The following MFSD8 variants were observed in gnomAD, a reference collection of about 807,000 sequenced individuals.
The protein encoded by MFSD8 is major facilitator superfamily domain-containing protein 8.
MFSD8 carries 55 observed loss-of-function variants against 66.4 expected under a neutral mutation model. That is an observed-to-expected ratio of 0.83 (90% confidence interval 0.67 to 1.04). The LOEUF (loss-of-function observed/expected upper bound fraction) is 1.04. MFSD8 is among the 50% of genes least tolerant of loss of function. MFSD8 has a pLI of 0.00. For synonymous variants in MFSD8, 202 were observed against 212.8 expected, an observed-to-expected ratio of 0.95 and a Z score of 0.44; for missense variants, 550 against 627.6, an observed-to-expected ratio of 0.88 and a Z score of 1.32.
In MFSD8 at chr4:127,938,608, TAAATAA is replaced by T. The variant is rs1337853193; in HGVS notation, c.754+169_754+174del. On this transcript the variant is annotated intron_variant, in intron 7 of 11. Transcript: ENST00000641686. Reference sequence around the variant, plus strand: ...AAAAAAAAAAAAATAAATAAATAAATAAATAAATAAATAAATAAATAAATAAATTTA... The same window carrying T: ...AAAAAAAAAAAAATAAATAAATAAATATAAATAAATAAATAAATAAATTTA... 0.018 allele frequency among the ~76,000 whole-genome samples: 2,463 copies of T among 140,266 alleles called. 118 individuals are homozygous for T. Among genetic ancestry groups the T allele is most frequent in the African/African-American group, 0.064 (2,340 of 36,528 alleles). 92.0% of individuals were successfully genotyped at this position (140,266 alleles called of 152,430 possible).
chr4:127,939,766 T>G, intron 6 of MFSD8, 87 bp downstream of exon 6: 2 of 1,453,444 alleles, frequency 1.4e-6, no homozygotes, highest in Non-Finnish European at 1.9e-6. Flanking sequence ...TACGTACACT[T>G]CATAAGGATA....
intron 8 of MFSD8, 188 bp downstream of exon 8, chr4:127,932,797 A>C (rs1003191530): frequency 2.5e-5 from 13 of 527,846 alleles, no homozygotes; most frequent in African/African-American, 3.9e-5. Context: ...GGTAGTTAAG[A>C]TTATGGACAA....
chr4:127,930,644 T>A, intron 9 of MFSD8, 39 bp downstream of exon 9: 3 of 1,609,804 alleles, frequency 1.9e-6, no homozygotes, highest in Non-Finnish European at 1.7e-6. Flanking sequence ...TTGTTTTATT[T>A]TTTAAAAACA....
At chr4:127,962,874 C>T (rs957843383) in intron 1 of MFSD8, among the ~76,000 whole-genome samples, 2 of 152,260 alleles carry the variant, frequency 1.3e-5, no homozygotes, top group East Asian at 3.9e-4. Context: ...CAGAGAAATA[C>T]ATTTGCCAAA....
intron 2 of MFSD8, among the ~76,000 whole-genome samples, chr4:127,951,464 G>C (rs532536593): frequency 6.6e-6 from 1 of 152,056 alleles, no homozygotes; most frequent in Non-Finnish European, 1.5e-5. Context: ...CCTGACCTCA[G>C]GTGATCTGCC....
intron 9 of MFSD8, 109 bp downstream of exon 9, chr4:127,930,574 G>A (rs2148872955): frequency 1.6e-6 from 2 of 1,226,244 alleles, no homozygotes; most frequent in Non-Finnish European, 1.2e-6. Context: ...AAATTTGTGT[G>A]CAAAAAAAAG....
chr4:127,926,189 C>T (rs1737178932), intron 9 of MFSD8, among the ~76,000 whole-genome samples: 1 of 135,652 alleles, frequency 7.4e-6, no homozygotes, highest in African/African-American at 2.7e-5. Flanking sequence ...ACCTATGTAA[C>T]AAACCTGCAC....
In MFSD8 at chr4:127,919,323, A is replaced by T. The variant is rs1736102573; in HGVS notation, c.*1307T>A. 1 of 152,206 alleles carries T rather than the reference A, an allele frequency of 6.6e-6. No individual in the cohort carries two copies. The highest frequency in any genetic ancestry group is 2.4e-5 in the African/African-American group (1 of 41,452). The allele number at this position is 152,206 out of a possible 1,614,324, so 9.4% of individuals were successfully genotyped here. On this transcript the variant is annotated 3_prime_UTR_variant, in exon 12 of 12. Coordinates refer to ENST00000641686, the MANE Select transcript of MFSD8 (RefSeq NM_001371596.2). ...CCAAAGTGCTGGGATTACAGGCATG[A>T]GACACTGCACCCAACCTATAAAGTG...
intron 1 of MFSD8, among the ~76,000 whole-genome samples, chr4:127,963,738 G>C (rs932636232): frequency 6.6e-6 from 1 of 152,176 alleles, no homozygotes; most frequent in African/African-American, 2.4e-5. Context: ...TTATCGCAAA[G>C]AGCGAAAAAA....
At chr4:127,940,515 G>GATAT (rs1739982809) in intron 5 of MFSD8, among the ~76,000 whole-genome samples, 2 of 66,670 alleles carry the variant, frequency 3.0e-5, no homozygotes, top group South Asian at 1.5e-3. Flanking sequence ...TTCTGTATAT[G>GATAT]GTATATATAT....
intron 3 of MFSD8, among the ~76,000 whole-genome samples, chr4:127,947,595 C>CAG (rs1021236241): frequency 7.6e-6 from 1 of 130,890 alleles, no homozygotes; most frequent in Non-Finnish European, 1.6e-5. Flanking sequence ...AAAAAAAAAA[C>CAG]AGAGAGAGAG....
At chr4:127,963,081 C>G (rs1382412060) in intron 1 of MFSD8, among the ~76,000 whole-genome samples, 5 of 152,212 alleles carry the variant, frequency 3.3e-5, no homozygotes, top group African/African-American at 9.6e-5. Context: ...TCCCGAGTCA[C>G]TGCCCATAAA....
At chr4:127,964,732 G>C in intron 1 of MFSD8, 1 of 425,082 alleles carries the variant, frequency 2.4e-6, no homozygotes, top group African/African-American at 2.0e-5. Flanking sequence ...GCCAAAGTGG[G>C]AGCCCAGGCA....
intron 2 of MFSD8, among the ~76,000 whole-genome samples, chr4:127,950,798 C>T (rs1741810407): frequency 6.6e-6 from 1 of 152,190 alleles, no homozygotes; most frequent in Admixed American, 6.5e-5. Flanking sequence ...TGTCTCACGC[C>T]TGTAATCCCA....
rs748292701 is a variant in MFSD8 at position 127,955,231 on chromosome 4, A to T, written c.154+2270T>A. 2.6e-5 allele frequency among the ~76,000 whole-genome samples: 4 copies of T among 152,126 alleles called. No individual in the cohort carries two copies. The South Asian group carries it at 8.3e-4, about 32-fold the overall frequency. On this transcript the variant is annotated intron_variant, in intron 2 of 11. Transcript: ENST00000641686. ...ACAGCCAAGAGGTGGAAGCAACCCAAATGTCCATCGACAGATAAATGGCTA... is the reference window on the plus strand; with the variant it reads ...ACAGCCAAGAGGTGGAAGCAACCCATATGTCCATCGACAGATAAATGGCTA...
At chr4:127,923,508 G>A (rs1484559480) in intron 9 of MFSD8, among the ~76,000 whole-genome samples, 1 of 150,652 alleles carries the variant, frequency 6.6e-6, no homozygotes, top group Non-Finnish European at 1.5e-5. Flanking sequence ...GCTTTTTGAT[G>A]TGCTGCTGAA....
rs1306331918 is a variant in MFSD8 at position 127,956,399 on chromosome 4, C to T, written c.154+1102G>A. Among the ~76,000 whole-genome samples, 2 of 149,870 alleles carry T rather than the reference C, an allele frequency of 1.3e-5. 1 individual carries two copies. The highest frequency in any genetic ancestry group is 3.9e-4 in the East Asian group (2 of 5,076). ...TCTGTAGTCCCAGCTACTCGGGAGG[C>T]TGAGGCAGGAGAATCACGCGAACCT... On this transcript the variant is annotated intron_variant, in intron 2 of 11. Coordinates refer to ENST00000641686, the MANE Select transcript of MFSD8 (RefSeq NM_001371596.2).
In MFSD8 at chr4:127,918,009, T is replaced by A. The variant is rs1427517750; in HGVS notation, c.*2621A>T. On this transcript the variant is annotated 3_prime_UTR_variant, in exon 12 of 12. Coordinates refer to ENST00000641686, the MANE Select transcript of MFSD8 (RefSeq NM_001371596.2). ...AACAGATTTCACTTTATGTAAGAGA[T>A]AAGGTTTATATGAACAAGAAGAGTT... 2 of 152,216 alleles carry A rather than the reference T, an allele frequency of 1.3e-5. No homozygotes were observed. Among genetic ancestry groups the A allele is most frequent in the African/African-American group, 4.8e-5 (2 of 41,450 alleles). 9.4% of individuals were successfully genotyped at this position (152,216 alleles called of 1,614,324 possible).
At chr4:127,943,627 T>G in intron 4 of MFSD8, 125 bp downstream of exon 4, 5 of 1,156,754 alleles carry the variant, frequency 4.3e-6, no homozygotes, top group African/African-American at 1.6e-5. Context: ...TTGTTTACAA[T>G]GAGAAACATG....
Sources: gnomAD v4.1 joint callset for allele counts (sites outside exome capture counted in the v4.1 genomes callset) on GRCh38, gnomAD v4.1.1 for gene constraint, MANE v1.5 for transcripts, NCBI Gene and HGNC (gene_info 2026-07-23, HGNC 2026-07-21) for gene names.